The following NIN variants were observed in gnomAD, a reference collection of about 807,000 sequenced individuals.
The protein encoded by NIN is ninein, also known as glycogen synthase kinase 3 beta-interacting protein.
NIN carries 137 observed loss-of-function variants against 257.6 expected under a neutral mutation model. That is an observed-to-expected ratio of 0.53 (90% CI 0.46 to 0.61). The LOEUF (loss-of-function observed/expected upper bound fraction) is 0.61. Among genes scored for constraint, NIN ranks in the 20% least tolerant of loss-of-function variants. NIN has a pLI of 0.00. For synonymous variants in NIN, 918 were observed against 919.8 expected (o/e 1.00, Z 0.04); for missense variants, 2,439 against 2,501.2 (o/e 0.98, Z 0.53).
chr14:50,729,625 C>T lies in NIN; in HGVS notation c.5976G>A (p.Glu1992=). The change falls in exon 29 of 31, where the codon GAG becomes GAA. Residue 1992 remains glutamate (E), a synonymous_variant. Transcript: ENST00000530997. ...GCTGGCGTTGAAGCTGCAGAAACTG[C>T]TCCCTGGGCACCATCGGACAGGCTT... ...QQQACPMVPR[E]QFLQLQRQLL... 6.2e-7 allele frequency: 1 copy of T among 1,614,054 alleles called. No homozygotes were observed. Among genetic ancestry groups the T allele is most frequent in the Non-Finnish European group, 8.5e-7 (1 of 1,179,988 alleles).
At chr14:50,826,182 A>G (rs149353713) in intron 2 of NIN, among the ~76,000 whole-genome samples, 187 of 152,366 alleles carry the variant, frequency 1.2e-3, no homozygotes, top group African/African-American at 3.9e-3. Context: ...AGAAAGTTAC[A>G]TTTTGAGCGA....
chr14:50,726,382 A>T (rs1030394786), intron 29 of NIN: 1 of 249,640 alleles, frequency 4.0e-6, no homozygotes, highest in Non-Finnish European at 7.8e-6. Flanking sequence ...TGGACATCCA[A>T]GGTAACTTGG....
At chr14:50,826,357 TGG>T (rs2045457779) in intron 2 of NIN, among the ~76,000 whole-genome samples, 1 of 152,198 alleles carries the variant, frequency 6.6e-6, no homozygotes, top group Non-Finnish European at 1.5e-5. Context: ...GAGTTCTAAC[TGG>T]GGATGGTTAA....
chr14:50,782,970 CG>C (rs2043194361), intron 5 of NIN, among the ~76,000 whole-genome samples: 1 of 1,022 alleles, frequency 9.8e-4, no homozygotes, highest in Non-Finnish European at 4.7e-3. Context: ...CCAAAAGCGT[CG>C]TCAGATACGG....
chr14:50,770,770 C>T (rs1240431560), intron 11 of NIN, 82 bp downstream of exon 11: 172 of 1,497,346 alleles, frequency 1.1e-4, no homozygotes, highest in Non-Finnish European at 1.5e-4. Context: ...CCCCAGTGCA[C>T]TGTTCTGCCC....
Position 50,760,009 on chromosome 14 carries a change from G to A in NIN, c.2247C>T (p.Ala749=). The part of the protein sequence containing the change: ...EREREGLQSS[A]WTEEKVRGLT... ...AGCCTCTCACCTTCTCTTCTGTCCA[G>A]GCGCTACTCTGAAGGCCTTCCCTCT... Residue 749 remains alanine, a synonymous_variant, in exon 17 of 31, where the codon GCC becomes GCT. Coordinates refer to ENST00000530997, the MANE Select transcript of NIN (RefSeq NM_020921.4). 6.2e-7 allele frequency: 1 copy of A among 1,614,184 alleles called. No homozygotes were observed.
chr14:50,739,409 G>A lies in NIN; in HGVS notation c.5527C>T (p.His1843Tyr), dbSNP rs1489832871. 2 of 1,614,222 alleles carry A rather than the reference G, an allele frequency of 1.2e-6. No homozygotes were observed. The highest frequency in any genetic ancestry group is 1.7e-6 in the Non-Finnish European group (2 of 1,180,034). The change falls in exon 26 of 31, where the codon CAT becomes TAT. Residue 1843 changes from histidine to tyrosine, a missense_variant. By Grantham distance (83) the His-to-Tyr change is moderately conservative. Transcript: ENST00000530997. ...AGCTGCTGTTCCTCATTCATCAGAT[G>A]ATCCAACTTGTCCCAGGACAGCCTT... is the stretch of plus-strand genomic sequence containing the variant. ...QKRLSWDKLDHLMNEEQQLLW... is the reference protein window; with the variant it reads ...QKRLSWDKLDYLMNEEQQLLW...
intron 22 of NIN, among the ~76,000 whole-genome samples, chr14:50,744,795 G>A (rs370381090): frequency 1.2e-4 from 19 of 152,086 alleles, no homozygotes; most frequent in African/African-American, 3.6e-4. Context: ...TTAGCCAGGC[G>A]TGGTGGTGCA....
intron 7 of NIN, among the ~76,000 whole-genome samples, chr14:50,774,906 A>T (rs1301633653): frequency 1.3e-5 from 2 of 152,220 alleles, no homozygotes. Flanking sequence ...GGCACGCTCT[A>T]CACTTTGAGC....
At chr14:50,770,366 A>C (rs1478033439) in intron 12 of NIN, 22 bp downstream of exon 12, 1 of 1,611,590 alleles carries the variant, frequency 6.2e-7, no homozygotes, top group Admixed American at 1.7e-5. Context: ...GACGCAGACC[A>C]CAGAACTAAT....
Position 50,757,023 on chromosome 14 carries a change from T to G in NIN, c.4007A>C (p.Gln1336Pro). Residue 1336 changes from glutamine (Q) to proline (P), a missense_variant, in exon 18 of 31, where the codon CAG becomes CCG. Gln to Pro is a moderately conservative substitution (Grantham distance 76). Coordinates refer to ENST00000530997, the MANE Select transcript of NIN (RefSeq NM_020921.4). ...GTCACACCGCTGGACCACGCTTTCC[T>G]GAAGCTTCTCAATCTTGCCTTGAAG... The part of the protein sequence containing the change: ...LRLQGKIEKL[Q>P]ESVVQRCDCC... The G allele has an allele frequency of 6.2e-7, 1 of 1,613,166 alleles. No homozygotes were observed. Among genetic ancestry groups the G allele is most frequent in the South Asian group, 1.1e-5 (1 of 90,890 alleles).
intron 29 of NIN, among the ~76,000 whole-genome samples, chr14:50,728,980 C>G (rs920734817): frequency 2.0e-5 from 3 of 152,250 alleles, no homozygotes; most frequent in Non-Finnish European, 4.4e-5. Context: ...GGCTCTGGCA[C>G]AGGAAAGCTC....
rs1038427400 is a variant in NIN, at chr14:50,722,892, G to A, written c.*571C>T. On this transcript the variant is annotated 3_prime_UTR_variant, in exon 31 of 31. Transcript: ENST00000530997. ...GTAATACTGTCACAGGTGTTAGAAGGTTAGAATTCTACAGATTTGGGTTTG... is the reference window on the plus strand; with the variant it reads ...GTAATACTGTCACAGGTGTTAGAAGATTAGAATTCTACAGATTTGGGTTTG... 2 of 213,708 alleles carry A rather than the reference G, an allele frequency of 9.4e-6. No homozygotes were observed. The highest frequency in any genetic ancestry group is 2.3e-5 in the African/African-American group (1 of 44,274). 13.2% of individuals were successfully genotyped at this position (213,708 alleles called of 1,614,324 possible). A position where few individuals can be genotyped will look rare whatever the true frequency, so the allele number is the denominator to read the frequency against.
At chr14:50,772,578 G>A in intron 8 of NIN, 110 bp from the exon 9 acceptor site, 1 of 957,452 alleles carries the variant, frequency 1.0e-6, no homozygotes, top group African/African-American at 1.6e-5. Flanking sequence ...CTAATATACA[G>A]TGCCAGGAAA....
chr14:50,726,993 A>G (rs1401761892), intron 29 of NIN, among the ~76,000 whole-genome samples: 1 of 152,220 alleles, frequency 6.6e-6, no homozygotes, highest in African/African-American at 2.4e-5. Context: ...AACTATCCGG[A>G]GGATAAAAAT....
chr14:50,787,976 G>C (rs928993231), intron 5 of NIN, among the ~76,000 whole-genome samples: 6 of 152,006 alleles, frequency 3.9e-5, no homozygotes, highest in Non-Finnish European at 5.9e-5. Context: ...CATGGGGTGG[G>C]GGAAGGGATT....
chr14:50,792,635 C>G, intron 5 of NIN, 77 bp downstream of exon 5: 1 of 1,523,608 alleles, frequency 6.6e-7, no homozygotes, highest in Non-Finnish European at 9.0e-7. Flanking sequence ...ACCCCCTCAG[C>G]TCCCCTGTCT....
intron 5 of NIN, among the ~76,000 whole-genome samples, chr14:50,780,893 C>T (rs1366874828): frequency 6.6e-6 from 1 of 152,170 alleles, no homozygotes; most frequent in African/African-American, 2.4e-5. Context: ...TACATTTCTA[C>T]ATAAAGACGT....
intron 4 of NIN, among the ~76,000 whole-genome samples, chr14:50,800,588 A>G (rs2044054918): frequency 6.6e-6 from 1 of 152,188 alleles, no homozygotes; most frequent in Admixed American, 6.5e-5. Flanking sequence ...TGAGAGTAGC[A>G]TGGATTAGCC....
Sources: allele counts gnomAD v4.1 joint callset (sites outside exome capture counted in the v4.1 genomes callset), GRCh38; gene constraint gnomAD v4.1.1; transcripts MANE v1.5; gene names NCBI Gene and HGNC (gene_info 2026-07-23, HGNC 2026-07-21).